HAAO: variants seen among roughly 807,000 people sequenced by gnomAD.
HAAO encodes 3-hydroxyanthranilate 3,4-dioxygenase.
Under a neutral mutation model 46.2 loss-of-function variants are expected in HAAO, and 49 were observed. That is an observed-to-expected ratio of 1.06 (90% confidence interval 0.84 to 1.34). The LOEUF is 1.34. HAAO is among the 40% of genes most tolerant of loss of function. The pLI is 0.00. For missense variants in HAAO, 408 were observed against 364.5 expected, an observed-to-expected ratio of 1.12 and a Z score of -0.97; for synonymous variants, 157 against 145.2, an observed-to-expected ratio of 1.08 and a Z score of -0.58.
At chr2:42,783,011 T>G (rs886075730) in intron 4 of HAAO, 19 of 467,442 alleles carry the variant, frequency 4.1e-5, no homozygotes, top group Admixed American at 2.0e-4. Context: ...AACTGAGACC[T>G]GTCTCGAATT....
At chr2:42,775,536 G>C (rs1671487741) in intron 4 of HAAO, among the ~76,000 whole-genome samples, 1 of 152,040 alleles carries the variant, frequency 6.6e-6, no homozygotes. Context: ...AGGGGTGTGT[G>C]TGTGTGTGTG....
chr2:42,778,627 C>G (rs1296912852), intron 4 of HAAO, among the ~76,000 whole-genome samples: 1 of 152,082 alleles, frequency 6.6e-6, no homozygotes, highest in Non-Finnish European at 1.5e-5. Context: ...TGTGCCTGAC[C>G]AAGTCCTGCT....
intron 2 of HAAO, 165 bp from the exon 3 acceptor site, chr2:42,784,032 C>A: frequency 1.2e-6 from 1 of 810,478 alleles, no homozygotes. Context: ...CTCCCCGGTG[C>A]ATGCCATGGA....
intron 4 of HAAO, among the ~76,000 whole-genome samples, chr2:42,772,106 C>A (rs750422874): frequency 6.6e-6 from 1 of 152,208 alleles, no homozygotes; most frequent in African/African-American, 2.4e-5. Flanking sequence ...GAAGATAAGA[C>A]CACGTGTCTG....
At position 42,767,676 on chromosome 2, in the gene HAAO, T is replaced by C; in HGVS notation, c.701A>G (p.Glu234Gly). 1.3e-6 allele frequency: 2 copies of C among 1,569,300 alleles called. No homozygotes were observed. Among genetic ancestry groups the C allele is most frequent in the Non-Finnish European group, 1.7e-6 (2 of 1,156,130 alleles). Residue 234 changes from glutamate (E) to glycine (G), a missense_variant and splice_region_variant, in exon 9 of 10, where the codon GAG becomes GGG. Glu to Gly is a moderately conservative substitution (Grantham distance 98, BLOSUM62 -2). Coordinates refer to ENST00000294973, the MANE Select transcript of HAAO (RefSeq NM_012205.3). ...QNVDVWLWQL[E>G]GSSVVTMGGR... ...CCCCATTGTCACCACCGAGGAGCCC[T>C]CCTGGAGAAGAGGAGCAGGAGAATC...
chr2:42,770,523 A>G lies in HAAO; in HGVS notation c.410T>C (p.Leu137Pro). 6.4e-7 allele frequency: 1 copy of G among 1,552,996 alleles called. No homozygotes were observed. The highest frequency in any genetic ancestry group is 8.7e-7 in the Non-Finnish European group (1 of 1,147,626). ...LFEKWFYCKD[L>P]GTQLAPIIQE... ...GATGATGGGGGCCAACTGCGTGCCGAGGTCCTTGCAGTAGAACCACTTCTC... is the reference window on the plus strand; with the variant it reads ...GATGATGGGGGCCAACTGCGTGCCGGGGTCCTTGCAGTAGAACCACTTCTC... The change falls in exon 5 of 10, where the codon CTC becomes CCC. Residue 137 changes from leucine to proline, a missense_variant. Coordinates refer to ENST00000294973, the MANE Select transcript of HAAO (RefSeq NM_012205.3).
chr2:42,788,671 C>G (rs1189728703), intron 1 of HAAO, 64 bp from the exon 2 acceptor site: 3 of 1,065,580 alleles, frequency 2.8e-6, no homozygotes, highest in Admixed American at 3.4e-5. Flanking sequence ...GAGCACGGGT[C>G]CCGTGGGGGC....
intron 4 of HAAO, among the ~76,000 whole-genome samples, chr2:42,772,753 A>G (rs777067132): frequency 6.6e-6 from 1 of 152,092 alleles, no homozygotes; most frequent in African/African-American, 2.4e-5. Context: ...TATGACTTTG[A>G]TAATCAGAAA....
intron 4 of HAAO, among the ~76,000 whole-genome samples, chr2:42,780,440 T>G (rs552072929): frequency 4.0e-4 from 61 of 152,034 alleles, no homozygotes; most frequent in Admixed American, 1.1e-3. Flanking sequence ...TCTCTTGACC[T>G]CGTGATCCAC....
chr2:42,788,262 G>A (rs559818278), intron 2 of HAAO, among the ~76,000 whole-genome samples: 15 of 152,320 alleles, frequency 9.8e-5, no homozygotes, highest in Non-Finnish European at 1.0e-4. Flanking sequence ...GATGCCCCAT[G>A]GCTAAAACCT....
At chr2:42,769,424 G>A (rs1670908801) in intron 7 of HAAO, among the ~76,000 whole-genome samples, 1 of 152,160 alleles carries the variant, frequency 6.6e-6, no homozygotes, top group African/African-American at 2.4e-5. Flanking sequence ...AGTGAGTGGG[G>A]GAACCTCCAA....
At chr2:42,782,795 G>C (rs1192769914) in intron 4 of HAAO, 1 of 367,654 alleles carries the variant, frequency 2.7e-6, no homozygotes, top group Non-Finnish European at 5.6e-6. Flanking sequence ...TTCCCACTTT[G>C]AGTCTTCCCA....
chr2:42,778,876 G>A (rs986955199), intron 4 of HAAO, among the ~76,000 whole-genome samples: 8 of 152,270 alleles, frequency 5.3e-5, no homozygotes, highest in African/African-American at 1.4e-4. Context: ...CACTTTGGGA[G>A]GCTGGGGTGG....
At chr2:42,770,786 G>A (rs1484613964) in intron 4 of HAAO, among the ~76,000 whole-genome samples, 2 of 152,104 alleles carry the variant, frequency 1.3e-5, no homozygotes, top group East Asian at 1.9e-4. Flanking sequence ...CTACTATCCC[G>A]AGAATTCACA....
At chr2:42,772,480 CAAA>C (rs765907105) in intron 4 of HAAO, among the ~76,000 whole-genome samples, 6 of 119,376 alleles carry the variant, frequency 5.0e-5, no homozygotes, top group Admixed American at 8.2e-5. Context: ...GACTCCATCT[CAAA>C]AAAAAAAAAA....
intron 7 of HAAO, among the ~76,000 whole-genome samples, chr2:42,768,532 G>A (rs534060904): frequency 1.1e-3 from 161 of 152,246 alleles, no homozygotes; most frequent in African/African-American, 2.9e-3. Flanking sequence ...AGCTCAGGAC[G>A]TCCCTGGTAC....
In HAAO at chr2:42,788,583, C is replaced by A; in HGVS notation, c.105G>T (p.Met35Ile). The change falls in exon 2 of 10, where the codon ATG becomes ATT. Residue 35 changes from methionine to isoleucine, a missense_variant. Met to Ile is a conservative substitution (Grantham distance 10). Transcript: ENST00000294973. Reference sequence around the variant, plus strand: ...TCCTGGTGTTGGGGCCTCCGATGAACATGACTTTGAGCTGCTCCTGGTGCC... The same window carrying A: ...TCCTGGTGTTGGGGCCTCCGATGAAAATGACTTTGAGCTGCTCCTGGTGCC... The part of the protein sequence containing the change: ...KLMHQEQLKV[M>I]FIGGPNTRKD... 6.3e-7 allele frequency: 1 copy of A among 1,598,176 alleles called. No individual in the cohort carries two copies. Among genetic ancestry groups the A allele is most frequent in the Non-Finnish European group, 8.6e-7 (1 of 1,165,732 alleles).
Position 42,767,341 on chromosome 2 carries a change from A to G in HAAO, c.*96T>C. 1 of 822,432 alleles carries G rather than the reference A, an allele frequency of 1.2e-6. No homozygotes were observed. The highest frequency in any genetic ancestry group is 1.4e-5 in the South Asian group (1 of 70,038). 50.9% of individuals were successfully genotyped at this position (822,432 alleles called of 1,614,324 possible). ...TCTGTGGGGGACACAGCGGCAGTAC[A>G]CAGAGAGGTAGTGGGGGCTGGGAGA... On this transcript the variant is annotated 3_prime_UTR_variant, in exon 10 of 10. Coordinates refer to ENST00000294973, the MANE Select transcript of HAAO (RefSeq NM_012205.3).
At chr2:42,768,254 G>A (rs939341586) in intron 7 of HAAO, among the ~76,000 whole-genome samples, 2 of 152,236 alleles carry the variant, frequency 1.3e-5, no homozygotes, top group Non-Finnish European at 2.9e-5. Flanking sequence ...CAGCTTCCCA[G>A]AGGGTGCCAC....
Sources: allele counts gnomAD v4.1 joint callset (sites outside exome capture counted in the v4.1 genomes callset), GRCh38; gene constraint gnomAD v4.1.1; transcripts MANE v1.5; gene names NCBI Gene and HGNC (gene_info 2026-07-23, HGNC 2026-07-21).